ZNF208: variants seen among roughly 807,000 people sequenced by gnomAD.
The protein encoded by ZNF208 is zinc finger protein 95.
A neutral mutation model predicts 12.1 loss-of-function variants in ZNF208; 10 were observed. The ratio of observed to expected loss-of-function variants is 0.83; its 90% CI spans 0.51 to 1.40. The LOEUF is 1.40. Among genes scored for constraint, ZNF208 ranks in the 40% most tolerant of loss-of-function variants. The probability of loss-of-function intolerance (pLI) is 0.00; values close to 1 mark genes in which losing one functional copy is unlikely to be tolerated. For missense variants in ZNF208, 1,652 were observed against 1,485.0 expected, an observed-to-expected ratio of 1.11 and a Z score of -1.85; for synonymous variants, 497 against 488.4, an observed-to-expected ratio of 1.02 and a Z score of -0.23.
intron 1 of ZNF208, among the ~76,000 whole-genome samples, chr19:21,999,072 A>AGCAT (rs1336348032): frequency 3.8e-5 from 1 of 26,270 alleles, no homozygotes; most frequent in East Asian, 2.0e-3. Context: ...TATAATTTAT[A>AGCAT]AATTATATAC....
chr19:21,986,733 T>C (rs891105726), intron 3 of ZNF208: 2 of 278,470 alleles, frequency 7.2e-6, no homozygotes, highest in African/African-American at 4.4e-5. Flanking sequence ...CATCATACTT[T>C]ATAATTTCAA....
At chr19:21,944,776 C>T (rs1425800074) in intron 4 of ZNF208, among the ~76,000 whole-genome samples, 1 of 152,174 alleles carries the variant, frequency 6.6e-6, no homozygotes, top group Admixed American at 6.5e-5. Flanking sequence ...ACAGCTAAAT[C>T]TTAGTCTCAG....
chr19:21,961,772 G>C (rs548287957), downstream of ZNF208, among the ~76,000 whole-genome samples: 3 of 148,574 alleles, frequency 2.0e-5, no homozygotes, highest in South Asian at 6.5e-4. Flanking sequence ...CCATTTGTAG[G>C]CTCTCCTCAA....
intron 4 of ZNF208, among the ~76,000 whole-genome samples, chr19:21,961,045 C>G (rs1360208692): frequency 1.3e-5 from 2 of 152,222 alleles, no homozygotes; most frequent in African/African-American, 4.8e-5. Context: ...CAGTTGAAAT[C>G]TGTTCACCAC....
In ZNF208 at chr19:21,973,971, T is replaced by A; in HGVS notation, c.1063A>T (p.Ile355Phe). 6.2e-7 allele frequency: 1 copy of A among 1,613,404 alleles called. No individual in the cohort carries two copies. Among genetic ancestry groups the A allele is most frequent in the East Asian group, 2.2e-5 (1 of 44,834 alleles). ...ECGKAFSKFS[I>F]LTKHKVIHTG... ...TGAATTACCTTATGTTTAGTAAGGA[T>A]TGAGAACTTACTAAAGGCTTTGCCA... is the stretch of plus-strand genomic sequence containing the variant. Residue 355 changes from isoleucine (I) to phenylalanine (F), a missense_variant, in exon 4 of 4, where the codon ATC becomes TTC. Coordinates refer to ENST00000397126, the MANE Select transcript of ZNF208 (RefSeq NM_007153.3).
chr19:21,952,477 C>T (rs527683737), intron 4 of ZNF208, among the ~76,000 whole-genome samples: 4 of 152,288 alleles, frequency 2.6e-5, no homozygotes, highest in East Asian at 3.9e-4. Context: ...GAAATATTTG[C>T]AGTTCTGCAA....
At chr19:21,940,426 T>C (rs1969716556) in intron 4 of ZNF208, 2 of 152,142 alleles carry the variant, frequency 1.3e-5, no homozygotes, top group African/African-American at 2.4e-5. Context: ...TTTTAGTCTC[T>C]AAGTTTGTGA....
intron 3 of ZNF208, among the ~76,000 whole-genome samples, chr19:21,979,152 C>A (rs967045980): frequency 8.5e-5 from 13 of 152,170 alleles, no homozygotes; most frequent in Non-Finnish European, 1.0e-4. Flanking sequence ...GGAAAACACT[C>A]TTCAGGATAT....
chr19:21,976,100 T>A (rs1390021864), intron 3 of ZNF208, among the ~76,000 whole-genome samples: 1 of 152,108 alleles, frequency 6.6e-6, no homozygotes, highest in African/African-American at 2.4e-5. Flanking sequence ...CTAGCATTAT[T>A]CTAATGGTGC....
intron 3 of ZNF208, among the ~76,000 whole-genome samples, chr19:21,984,856 C>T (rs760411091): frequency 1.1e-4 from 17 of 151,902 alleles, no homozygotes; most frequent in Non-Finnish European, 1.5e-5. Flanking sequence ...CATTCCAAGC[C>T]ACAGAATTAA....
At chr19:21,942,830 T>C (rs2145509129) in intron 4 of ZNF208, among the ~76,000 whole-genome samples, 1 of 152,246 alleles carries the variant, frequency 6.6e-6, no homozygotes, top group East Asian at 1.9e-4. Context: ...TTTGTATTTT[T>C]AGTAGAGATG....
chr19:21,988,740 C>A, intron 2 of ZNF208, 43 bp downstream of exon 2: 1 of 1,609,372 alleles, frequency 6.2e-7, no homozygotes, highest in South Asian at 1.1e-5. Context: ...CAAAATGAAA[C>A]CTGTAGTGTA....
At chr19:22,006,095 ACT>A (rs1417313676) in intron 1 of ZNF208, among the ~76,000 whole-genome samples, 2 of 152,106 alleles carry the variant, frequency 1.3e-5, no homozygotes, top group Non-Finnish European at 2.9e-5. Context: ...ACTCTGAGCT[ACT>A]CTCAGTCCGA....
In ZNF208 at chr19:21,973,300, C is replaced by T; in HGVS notation, c.1734G>A (p.Glu578=). The change falls in exon 4 of 4, where the codon GAG becomes GAA. Residue 578 remains glutamate, a synonymous_variant. Transcript: ENST00000397126. Reference sequence around the variant, plus strand: ...CACATTCTTCACATTTGTAGGGTTTCTCTACAGTATGAATTTTCTTATGAT... The same window carrying T: ...CACATTCTTCACATTTGTAGGGTTTTTCTACAGTATGAATTTTCTTATGAT... The part of the protein sequence containing the change: ...LSYHKKIHTV[E]KPYKCEECGK... 1 of 1,610,642 alleles carries T rather than the reference C, an allele frequency of 6.2e-7. No individual in the cohort carries two copies. Among genetic ancestry groups the T allele is most frequent in the Non-Finnish European group, 8.5e-7 (1 of 1,178,512 alleles).
chr19:22,003,682 A>T (rs1970995096), intron 1 of ZNF208, among the ~76,000 whole-genome samples: 1 of 152,192 alleles, frequency 6.6e-6, no homozygotes, highest in African/African-American at 2.4e-5. Flanking sequence ...TGTGAAAAGC[A>T]GTGTGGTGAT....
chr19:21,950,085 T>C (rs954240095), intron 4 of ZNF208, among the ~76,000 whole-genome samples: 1 of 152,238 alleles, frequency 6.6e-6, no homozygotes, highest in Non-Finnish European at 1.5e-5. Context: ...AATCACTGCT[T>C]ATATTCTCTG....
chr19:21,964,121 A>G (rs370972239), downstream of ZNF208, among the ~76,000 whole-genome samples: 1 of 151,950 alleles, frequency 6.6e-6, no homozygotes, highest in South Asian at 2.1e-4. Flanking sequence ...ACTGTGATTT[A>G]CCAATCAAAA....
chr19:21,987,070 G>A (rs1276209081), intron 3 of ZNF208, 146 bp downstream of exon 3: 2 of 765,814 alleles, frequency 2.6e-6, no homozygotes, highest in Non-Finnish European at 4.0e-6. Flanking sequence ...GCCCCTGTGT[G>A]AGAGAAAATT....
In ZNF208 at chr19:21,971,192, TAG is replaced by T; in HGVS notation, c.3840_3841del (p.Ter1281GlufsTer3). On this transcript the variant is annotated frameshift_variant and stop_lost, in exon 4 of 4. Transcript: ENST00000397126. LOFTEE classifies it high-confidence loss of function. ...GGCTTTGCCACATTCTTCACATTTC[TAG>T]AGTTTCTCTCCAGTATGAATTTTCT... The T allele has an allele frequency of 6.2e-7, 1 of 1,612,412 alleles. No homozygotes were observed. Among genetic ancestry groups the T allele is most frequent in the Admixed American group, 1.7e-5 (1 of 59,748 alleles).
Sources: gnomAD v4.1 joint callset for allele counts (sites outside exome capture counted in the v4.1 genomes callset) on GRCh38, gnomAD v4.1.1 for gene constraint, MANE v1.5 for transcripts, NCBI Gene and HGNC (gene_info 2026-07-23, HGNC 2026-07-21) for gene names.